Variants in DLG2 observed in about 807,000 individuals in gnomAD.
DLG2 encodes the protein discs large MAGUK scaffold protein 2, also known as disks large homolog 2.
A neutral mutation model predicts 132.5 loss-of-function variants in DLG2; 45 were observed. The observed-to-expected ratio is 0.34, with a 90% CI of 0.27 to 0.44. The LOEUF (loss-of-function observed/expected upper bound fraction) is 0.44, where lower values mean the gene tolerates loss of function less well. Ranked by LOEUF, DLG2 falls within the 20% of genes least tolerant of loss-of-function variation. The pLI is 1.00. For missense variants in DLG2, 1,045 were observed against 1,196.9 expected (o/e 0.87, Z 1.87); for synonymous variants, 424 against 419.6 (o/e 1.01, Z -0.13).
At chr11:84,254,775 T>C (rs950801816) in intron 7 of DLG2, among the ~76,000 whole-genome samples, 2 of 152,236 alleles carry the variant, frequency 1.3e-5, no homozygotes, top group South Asian at 4.1e-4. Flanking sequence ...ATAAGATCTA[T>C]GTTATGTGGA....
rs181613797 is a variant in DLG2, at chr11:83,458,885, A to C, written c.*933T>G. Reference sequence around the variant, plus strand: ...CATGAGAGTGTATCACTAATGTGGAAGGGAGGTAAGTGAGGAAGAAGTCTT... The same window carrying C: ...CATGAGAGTGTATCACTAATGTGGACGGGAGGTAAGTGAGGAAGAAGTCTT... On this transcript the variant is annotated 3_prime_UTR_variant, in exon 28 of 28. Transcript: ENST00000376104. 1.3e-5 allele frequency: 2 copies of C among 152,354 alleles called. No individual in the cohort carries two copies. Among genetic ancestry groups the C allele is most frequent in the East Asian group, 3.9e-4 (2 of 5,192 alleles). The allele number at this position is 152,354 out of a possible 1,614,324, so 9.4% of individuals were successfully genotyped here.
chr11:85,062,792 C>G (rs949368583), intron 6 of DLG2, among the ~76,000 whole-genome samples: 1 of 151,544 alleles, frequency 6.6e-6, no homozygotes, highest in Non-Finnish European at 1.5e-5. Context: ...GCTTTTGAAG[C>G]CTCTGAAACC....
chr11:84,968,737 T>A (rs1274824722), intron 6 of DLG2, among the ~76,000 whole-genome samples: 1 of 152,180 alleles, frequency 6.6e-6, no homozygotes, highest in Admixed American at 6.5e-5. Flanking sequence ...ACTTTTGTTT[T>A]ATACGTGGGA....
intron 9 of DLG2, among the ~76,000 whole-genome samples, chr11:84,130,505 T>C (rs768382555): frequency 8.6e-5 from 10 of 116,892 alleles, no homozygotes; most frequent in East Asian, 6.1e-4. Context: ...TATATATATA[T>C]ACACACACAC....
intron 6 of DLG2, among the ~76,000 whole-genome samples, chr11:84,538,091 C>T (rs984696154): frequency 2.0e-5 from 3 of 152,186 alleles, no homozygotes; most frequent in Non-Finnish European, 4.4e-5. Context: ...CTGAGTTATA[C>T]TTGTGCACAG....
At chr11:84,927,426 G>A (rs1369237762) in intron 6 of DLG2, among the ~76,000 whole-genome samples, 2 of 152,088 alleles carry the variant, frequency 1.3e-5, no homozygotes, top group East Asian at 1.9e-4. Flanking sequence ...TTCTGAGGGT[G>A]GGAATCAGGA....
chr11:85,266,665 A>G (rs1002517604), intron 4 of DLG2, among the ~76,000 whole-genome samples: 6 of 152,248 alleles, frequency 3.9e-5, no homozygotes, highest in African/African-American at 1.4e-4. Flanking sequence ...AATACAATGC[A>G]GTTTCACTCA....
At chr11:84,822,645 C>A (rs759243201) in intron 6 of DLG2, among the ~76,000 whole-genome samples, 1 of 151,884 alleles carries the variant, frequency 6.6e-6, no homozygotes, top group Non-Finnish European at 1.5e-5. Context: ...ATGTTTCTCT[C>A]TTAAGATGTT....
chr11:83,818,874 A>G (rs1174577116), intron 17 of DLG2, among the ~76,000 whole-genome samples: 1 of 152,196 alleles, frequency 6.6e-6, no homozygotes, highest in Non-Finnish European at 1.5e-5. Context: ...TTTGGGTAGC[A>G]TAAGAGACTG....
intron 7 of DLG2, among the ~76,000 whole-genome samples, chr11:84,478,326 T>A (rs1397955325): frequency 1.3e-5 from 2 of 152,184 alleles, no homozygotes; most frequent in Non-Finnish European, 2.9e-5. Context: ...TCTATCCACA[T>A]TGCTCAAATA....
chr11:83,849,705 G>C (rs538462852), intron 16 of DLG2, among the ~76,000 whole-genome samples: 3 of 150,602 alleles, frequency 2.0e-5, no homozygotes, highest in African/African-American at 7.3e-5. Flanking sequence ...TGCAAGGGCA[G>C]ATGCAGGTTT....
chr11:85,334,270 T>G (rs1470411702), intron 3 of DLG2, among the ~76,000 whole-genome samples: 1 of 152,160 alleles, frequency 6.6e-6, no homozygotes, highest in Non-Finnish European at 1.5e-5. Flanking sequence ...TTGGGGTCAG[T>G]AGTAATGTCT....
intron 6 of DLG2, among the ~76,000 whole-genome samples, chr11:84,680,674 G>C (rs7925310): frequency 6.6e-6 from 1 of 151,996 alleles, no homozygotes; most frequent in Non-Finnish European, 1.5e-5. Flanking sequence ...TTGCTCTTCT[G>C]CTTCCTAGCT....
At chr11:83,515,396 C>A (rs556087304) in intron 21 of DLG2, among the ~76,000 whole-genome samples, 1 of 151,810 alleles carries the variant, frequency 6.6e-6, no homozygotes, top group Non-Finnish European at 1.5e-5. Flanking sequence ...TTTTTTATTG[C>A]GTCTATTTGA....
At chr11:84,285,867 T>C (rs768581927) in intron 7 of DLG2, among the ~76,000 whole-genome samples, 8 of 152,230 alleles carry the variant, frequency 5.3e-5, no homozygotes, top group Non-Finnish European at 1.2e-4. Context: ...ATAGATAGTG[T>C]CCAGCATGAG....
intron 7 of DLG2, among the ~76,000 whole-genome samples, chr11:84,461,137 A>G (rs1361027298): frequency 6.6e-6 from 1 of 150,990 alleles, no homozygotes; most frequent in African/African-American, 2.4e-5. Context: ...ATGAATTTTA[A>G]TCCCTAAAGG....
chr11:84,179,128 C>T (rs1243609726), intron 8 of DLG2, among the ~76,000 whole-genome samples: 1 of 152,014 alleles, frequency 6.6e-6, no homozygotes, highest in East Asian at 1.9e-4. Context: ...ACAACAATGA[C>T]ACATCAAATT....
At chr11:83,658,325 A>G (rs1175962835) in intron 18 of DLG2, among the ~76,000 whole-genome samples, 1 of 152,226 alleles carries the variant, frequency 6.6e-6, no homozygotes, top group Non-Finnish European at 1.5e-5. Context: ...CTTTACTGTA[A>G]TAATCTAAAT....
chr11:85,172,402 A>T (rs1414502551), intron 4 of DLG2, among the ~76,000 whole-genome samples: 1 of 152,238 alleles, frequency 6.6e-6, no homozygotes, highest in Non-Finnish European at 1.5e-5. Flanking sequence ...AAAGAAAAAC[A>T]AACAGAAAGC....
Sources: gnomAD v4.1 joint callset for allele counts (sites outside exome capture counted in the v4.1 genomes callset) on GRCh38, gnomAD v4.1.1 for gene constraint, MANE v1.5 for transcripts, NCBI Gene and HGNC (gene_info 2026-07-23, HGNC 2026-07-21) for gene names.